Variants in CSMD1 observed in about 807,000 individuals in gnomAD.
The protein encoded by CSMD1 is CUB and sushi domain-containing protein 1.
A neutral mutation model predicts 417.5 loss-of-function variants in CSMD1; 213 were observed. The ratio of observed to expected loss-of-function variants is 0.51; its 90% CI spans 0.46 to 0.57. CSMD1 has a LOEUF of 0.57. Among genes scored for constraint, CSMD1 ranks in the 20% least tolerant of loss-of-function variants. The pLI is 0.00. For synonymous variants in CSMD1, 2,862 were observed against 1,736.8 expected (o/e 1.65, Z -16.11); for missense variants, 6,923 against 4,529.7 (o/e 1.53, Z -15.17).
rs144312572 is a variant in CSMD1, at chr8:4,240,461, C to CAG, written c.415+179490_415+179491dup. 5.3e-3 allele frequency among the ~76,000 whole-genome samples: 800 copies of CAG among 152,350 alleles called. 5 individuals carry two copies. Among genetic ancestry groups the CAG allele is most frequent in the African/African-American group, 0.019 (780 of 41,574 alleles). ...CACTTGTGAACTTATTTCCACATCTCAGATAACAATCTAAAATAAGATGAA... is the reference window on the plus strand; with the variant it reads ...CACTTGTGAACTTATTTCCACATCTCAGAGATAACAATCTAAAATAAGATGAA... On this transcript the variant is annotated intron_variant, in intron 3 of 69. Coordinates refer to ENST00000635120, the MANE Select transcript of CSMD1 (RefSeq NM_033225.6).
intron 1 of CSMD1, among the ~76,000 whole-genome samples, chr8:4,721,354 G>C (rs1284860200): frequency 6.6e-6 from 1 of 152,078 alleles, no homozygotes; most frequent in Non-Finnish European, 1.5e-5. Flanking sequence ...TTATTCTACT[G>C]CCTAGTGATA....
chr8:3,561,279 C>G (rs1209293767), intron 10 of CSMD1, among the ~76,000 whole-genome samples: 1 of 152,188 alleles, frequency 6.6e-6, no homozygotes, highest in Non-Finnish European at 1.5e-5. Context: ...AATTCTACTA[C>G]TAGGTATCTA....
intron 3 of CSMD1, among the ~76,000 whole-genome samples, chr8:4,220,305 C>G (rs76775986): frequency 0.021 from 3,244 of 152,192 alleles, 106 homozygotes; most frequent in African/African-American, 0.074. Flanking sequence ...GGTTATTTGA[C>G]TGGAAATTTG....
intron 26 of CSMD1, among the ~76,000 whole-genome samples, chr8:3,245,733 C>G (rs941961482): frequency 2.0e-5 from 3 of 152,124 alleles, no homozygotes; most frequent in Non-Finnish European, 4.4e-5. Flanking sequence ...GATGATCACC[C>G]CAATTTCTGG....
intron 7 of CSMD1, among the ~76,000 whole-genome samples, chr8:3,650,685 T>C (rs1797810491): frequency 6.6e-6 from 1 of 152,180 alleles, no homozygotes; most frequent in Admixed American, 6.5e-5. Context: ...AAGTGGTAAA[T>C]TATCAATGCT....
chr8:3,150,148 C>G (rs572197600), intron 40 of CSMD1, among the ~76,000 whole-genome samples: 1 of 152,302 alleles, frequency 6.6e-6, no homozygotes, highest in South Asian at 2.1e-4. Context: ...AGAATCACTG[C>G]CTCATGCTCA....
Position 3,586,966 on chromosome 8 carries a change from A to C in CSMD1, c.1098-706T>G, listed in dbSNP as rs1800629887. Among the ~76,000 whole-genome samples, 4 of 152,146 alleles carry C rather than the reference A, an allele frequency of 2.6e-5. No individual in the cohort carries two copies. The South Asian group carries it at 8.3e-4, about 32-fold the overall frequency. ...AGATGTGCACAACTAGGCCCGGCTA[A>C]TTTTTGTATTTTTAGTAGAGACAGA... On this transcript the variant is annotated intron_variant, in intron 8 of 69. Transcript: ENST00000635120.
At chr8:3,845,334 G>A (rs1016011536) in intron 5 of CSMD1, among the ~76,000 whole-genome samples, 5 of 152,158 alleles carry the variant, frequency 3.3e-5, no homozygotes, top group Admixed American at 2.6e-4. Context: ...GAGGCTCTAC[G>A]ATACAGCATG....
chr8:4,616,096 C>G (rs926536853), intron 2 of CSMD1, among the ~76,000 whole-genome samples: 5 of 152,210 alleles, frequency 3.3e-5, no homozygotes, highest in Admixed American at 3.3e-4. Flanking sequence ...TTGCCTAAGC[C>G]CAAACTATTT....
chr8:4,772,535 A>G (rs1796654414), intron 1 of CSMD1, among the ~76,000 whole-genome samples: 1 of 152,200 alleles, frequency 6.6e-6, no homozygotes, highest in Admixed American at 6.5e-5. Flanking sequence ...ATATTTTGAG[A>G]AAAGTTTTTA....
chr8:3,574,580 G>C (rs1800070023), intron 10 of CSMD1, among the ~76,000 whole-genome samples: 1 of 152,142 alleles, frequency 6.6e-6, no homozygotes, highest in Non-Finnish European at 1.5e-5. Flanking sequence ...AGTATAGTAG[G>C]AGCATTTCTA....
rs377099580 is a variant in CSMD1, at chr8:3,462,914, T to G, written c.1561+5798A>C. ...GGCCAGCCTTTAGAGCGTGATGACA[T>G]GATGAGGGTGGAGCCCCTGTGAACA... On this transcript the variant is annotated intron_variant, in intron 12 of 69. Coordinates refer to ENST00000635120, the MANE Select transcript of CSMD1 (RefSeq NM_033225.6). 4.6e-5 allele frequency among the ~76,000 whole-genome samples: 7 copies of G among 152,106 alleles called. No homozygotes were observed. The East Asian group carries it at 1.2e-3, about 25-fold the overall frequency.
At chr8:3,814,184 G>A (rs533437284) in intron 5 of CSMD1, among the ~76,000 whole-genome samples, 4 of 152,312 alleles carry the variant, frequency 2.6e-5, no homozygotes, top group African/African-American at 9.6e-5. Flanking sequence ...GATGCAAACT[G>A]CAAGACACTT....
chr8:4,745,585 T>C (rs547283572), intron 1 of CSMD1, among the ~76,000 whole-genome samples: 1 of 152,240 alleles, frequency 6.6e-6, no homozygotes, highest in Non-Finnish European at 1.5e-5. Context: ...ATTTCTTAGA[T>C]GCTAGAAATA....
chr8:3,642,645 C>T (rs987248476), intron 7 of CSMD1, among the ~76,000 whole-genome samples: 6 of 152,086 alleles, frequency 3.9e-5, no homozygotes, highest in South Asian at 2.1e-4. Flanking sequence ...GGTTAACGGA[C>T]GGTCGATGGA....
At chr8:4,017,576 A>C (rs527471486) in intron 4 of CSMD1, among the ~76,000 whole-genome samples, 67 of 152,238 alleles carry the variant, frequency 4.4e-4, no homozygotes, top group African/African-American at 1.6e-3. Context: ...AAAGTGCTGG[A>C]ATTACAGGCG....
At chr8:3,571,262 GAATTCT>G (rs1252061869) in intron 10 of CSMD1, among the ~76,000 whole-genome samples, 4 of 152,168 alleles carry the variant, frequency 2.6e-5, no homozygotes, top group Non-Finnish European at 5.9e-5. Flanking sequence ...ACACACCTGT[GAATTCT>G]AAATGTGCCT....
At chr8:3,843,277 G>C (rs903709681) in intron 5 of CSMD1, among the ~76,000 whole-genome samples, 1 of 152,014 alleles carries the variant, frequency 6.6e-6, no homozygotes, top group Middle Eastern at 3.2e-3. Context: ...TACTTTCGTT[G>C]TTTGTTAATG....
chr8:4,788,125 T>C (rs1797507726), intron 1 of CSMD1: 44 of 1,603,674 alleles, frequency 2.7e-5, no homozygotes, highest in Non-Finnish European at 3.6e-5. Context: ...GTAGTGTTGA[T>C]GGGCTCTACT....
Sources: gnomAD v4.1 joint callset for allele counts (sites outside exome capture counted in the v4.1 genomes callset) on GRCh38, gnomAD v4.1.1 for gene constraint, MANE v1.5 for transcripts, NCBI Gene and HGNC (gene_info 2026-07-23, HGNC 2026-07-21) for gene names.